DARS1: variants seen among roughly 807,000 people sequenced by gnomAD.
DARS1 encodes aspartate--tRNA ligase, cytoplasmic.
DARS1 carries 51 observed loss-of-function variants against 68.8 expected under a neutral mutation model. The ratio of observed to expected loss-of-function variants is 0.74; its 90% CI spans 0.59 to 0.94. DARS1 has a LOEUF of 0.94. Among genes scored for constraint, DARS1 ranks in the 40% least tolerant of loss-of-function variants. The pLI is 0.00. For synonymous variants in DARS1, 203 were observed against 190.4 expected, an observed-to-expected ratio of 1.07 and a Z score of -0.55; for missense variants, 607 against 597.3, an observed-to-expected ratio of 1.02 and a Z score of -0.17.
chr2:135,919,221 G>C (rs1252156090), intron 10 of DARS1, among the ~76,000 whole-genome samples: 1 of 151,958 alleles, frequency 6.6e-6, no homozygotes, highest in Non-Finnish European at 1.5e-5. Flanking sequence ...AGTAGAGATG[G>C]GGTTTTGCTA....
At chr2:135,979,186 A>G (rs1682565730) in intron 3 of DARS1, 88 bp downstream of exon 3, 3 of 735,668 alleles carry the variant, frequency 4.1e-6, no homozygotes, top group South Asian at 1.6e-5. Context: ...TTTTGTTTTT[A>G]AAGATTTACT....
chr2:135,949,969 T>C (rs544928485), intron 4 of DARS1, among the ~76,000 whole-genome samples: 4 of 152,240 alleles, frequency 2.6e-5, no homozygotes, highest in African/African-American at 7.2e-5. Context: ...AAGATCGTTA[T>C]CTACTTAAGA....
rs947544377 is a variant in DARS1 at position 135,924,447 on chromosome 2, A to G, written c.616T>C (p.Phe206Leu). 4 of 1,609,878 alleles carry G rather than the reference A, an allele frequency of 2.5e-6. No homozygotes were observed. The highest frequency in any genetic ancestry group is 3.4e-6 in the Non-Finnish European group (4 of 1,178,898). The part of the protein sequence containing the change: ...FRLQSGICHL[F>L]RETLINKGFV... ...CCTTTGTTAATTAAAGTTTCTCGGA[A>G]GAGATGGCAGATGCCAGACTGGAGA... The change falls in exon 8 of 16, where the codon TTC becomes CTC. Residue 206 changes from phenylalanine (F) to leucine (L), a missense_variant. Physicochemically the swap from Phe to Leu is conservative, Grantham distance 22 (BLOSUM62 0). Coordinates refer to ENST00000264161, the MANE Select transcript of DARS1 (RefSeq NM_001349.4).
At chr2:135,920,695 G>A in intron 9 of DARS1, 95 bp from the exon 10 acceptor site, 2 of 1,413,086 alleles carry the variant, frequency 1.4e-6, no homozygotes, top group Non-Finnish European at 1.8e-6. Flanking sequence ...TTGGATTCCA[G>A]TGGTATTATT....
intron 2 of DARS1, among the ~76,000 whole-genome samples, chr2:135,980,172 T>C (rs938095414): frequency 1.3e-5 from 2 of 152,200 alleles, no homozygotes; most frequent in Non-Finnish European, 2.9e-5. Context: ...CCAACTATTA[T>C]GCTCCTAATA....
Position 135,907,406 on chromosome 2 carries a change from T to C in DARS1, c.1416A>G (p.Gly472=), listed in dbSNP as rs1259151590. The C allele has an allele frequency of 6.2e-7, 1 of 1,607,542 alleles. No homozygotes were observed. The highest frequency in any genetic ancestry group is 8.5e-7 in the Non-Finnish European group (1 of 1,175,942). Reference sequence around the variant, plus strand: ...GAAACAGCATAGTAACTCGTTCCAATCCTGGGGAAGACAAAAATAATCATT... The same window carrying C: ...GAAACAGCATAGTAACTCGTTCCAACCCTGGGGAAGACAAAAATAATCATT... ...GAPPHAGGGI[G]LERVTMLFLG... is the part of the protein sequence containing the mutation. Residue 472 remains glycine, a splice_region_variant and synonymous_variant, in exon 16 of 16, where the codon GGA becomes GGG. Coordinates refer to ENST00000264161, the MANE Select transcript of DARS1 (RefSeq NM_001349.4).
chr2:135,953,562 C>T (rs1461867093), intron 4 of DARS1, among the ~76,000 whole-genome samples: 1 of 152,250 alleles, frequency 6.6e-6, no homozygotes, highest in East Asian at 1.9e-4. Context: ...AAAGTAGATG[C>T]AATTGATTAT....
intron 14 of DARS1, 53 bp downstream of exon 14, chr2:135,911,329 C>T: frequency 1.2e-6 from 1 of 855,542 alleles, no homozygotes; most frequent in South Asian, 1.4e-5. Context: ...TAAATGTTTA[C>T]AATGTATTAT....
chr2:135,920,450 T>C lies in DARS1; in HGVS notation c.959+3A>G, dbSNP rs372821057. ...CCATCTAGGTGCATAAAATACTTTT[T>C]ACCTTTCTTGAAGTCCTTTGAATAT... On this transcript the variant is annotated splice_donor_region_variant and intron_variant, in intron 10 of 15. Transcript: ENST00000264161. The C allele has an allele frequency of 6.2e-7, 1 of 1,610,894 alleles. No individual in the cohort carries two copies. Among genetic ancestry groups the C allele is most frequent in the Non-Finnish European group, 8.5e-7 (1 of 1,179,002 alleles).
intron 3 of DARS1, among the ~76,000 whole-genome samples, chr2:135,970,238 G>A (rs1218121994): frequency 2.4e-5 from 3 of 126,166 alleles, no homozygotes; most frequent in African/African-American, 9.2e-5. Context: ...GGGCAACATA[G>A]TGAGACCCTG....
chr2:135,972,159 CA>C (rs1340576069), intron 3 of DARS1, among the ~76,000 whole-genome samples: 1 of 152,096 alleles, frequency 6.6e-6, no homozygotes, highest in African/African-American at 2.4e-5. Flanking sequence ...CTGGAGGAAT[CA>C]CACTACTTAC....
intron 3 of DARS1, among the ~76,000 whole-genome samples, chr2:135,971,446 T>C (rs1215025255): frequency 6.6e-6 from 1 of 152,044 alleles, no homozygotes; most frequent in African/African-American, 2.4e-5. Flanking sequence ...TACCTTAACA[T>C]AATAAAAGCC....
intron 3 of DARS1, among the ~76,000 whole-genome samples, chr2:135,962,163 C>T (rs1682116830): frequency 6.6e-6 from 1 of 152,120 alleles, no homozygotes; most frequent in Admixed American, 6.6e-5. Flanking sequence ...TCTTCAAGCC[C>T]TATAACCAGT....
At chr2:135,978,018 C>G (rs1682537033) in intron 3 of DARS1, among the ~76,000 whole-genome samples, 1 of 151,394 alleles carries the variant, frequency 6.6e-6, no homozygotes, top group South Asian at 2.1e-4. Context: ...TGGCGCATGC[C>G]TGTAATCCCA....
chr2:135,923,839 G>A (rs1681156999), intron 8 of DARS1, among the ~76,000 whole-genome samples: 1 of 152,076 alleles, frequency 6.6e-6, no homozygotes, highest in East Asian at 1.9e-4. Context: ...CCAACATGGA[G>A]AAACCCTGTA....
chr2:135,973,971 T>G (rs1202866535), intron 3 of DARS1, among the ~76,000 whole-genome samples: 4 of 152,224 alleles, frequency 2.6e-5, no homozygotes, highest in Admixed American at 1.3e-4. Flanking sequence ...ATGATGTGAT[T>G]ATTACACACT....
At chr2:135,949,762 A>C (rs925756085) in intron 4 of DARS1, among the ~76,000 whole-genome samples, 1 of 152,220 alleles carries the variant, frequency 6.6e-6, no homozygotes, top group African/African-American at 2.4e-5. Flanking sequence ...CCAATTAGTG[A>C]ATCAACTTTT....
chr2:135,968,862 ATG>A (rs2104840377), intron 3 of DARS1, among the ~76,000 whole-genome samples: 1 of 152,084 alleles, frequency 6.6e-6, no homozygotes, highest in African/African-American at 2.4e-5. Context: ...GGGTTTTACC[ATG>A]TTGGCCAGGC....
chr2:135,932,935 T>TC (rs2104810229), intron 6 of DARS1, 93 bp from the exon 7 acceptor site: 1 of 678,228 alleles, frequency 1.5e-6, no homozygotes, highest in South Asian at 1.8e-5. Flanking sequence ...TTACTTTTAA[T>TC]TGAGTAGGAT....
Sources: gnomAD v4.1 joint callset for allele counts (sites outside exome capture counted in the v4.1 genomes callset) on GRCh38, gnomAD v4.1.1 for gene constraint, MANE v1.5 for transcripts, NCBI Gene and HGNC (gene_info 2026-07-23, HGNC 2026-07-21) for gene names.